The following RFTN1 variants were observed in gnomAD, a reference collection of about 807,000 sequenced individuals.
RFTN1 encodes the protein raftlin, lipid raft linker 1, also known as raftlin.
Under a neutral mutation model 46.5 loss-of-function variants are expected in RFTN1, and 26 were observed. The observed-to-expected ratio is 0.56, with a 90% CI of 0.41 to 0.78. The LOEUF (loss-of-function observed/expected upper bound fraction) is 0.78. Ranked by LOEUF, RFTN1 falls within the 30% of genes least tolerant of loss-of-function variation. The probability of loss-of-function intolerance (pLI) is 0.00; values close to 1 mark genes in which losing one functional copy is unlikely to be tolerated. For synonymous variants in RFTN1, 261 were observed against 284.2 expected (o/e 0.92, Z 0.82); for missense variants, 693 against 718.7 (o/e 0.96, Z 0.41).
At chr3:16,488,455 G>A (rs1323369601) in intron 2 of RFTN1, among the ~76,000 whole-genome samples, 1 of 152,134 alleles carries the variant, frequency 6.6e-6, no homozygotes, top group Non-Finnish European at 1.5e-5. Context: ...CCATCAGGTG[G>A]ACATGGGCCA....
At chr3:16,401,659 T>C (rs9853719) in intron 4 of RFTN1, among the ~76,000 whole-genome samples, 80,738 of 152,096 alleles carry the variant, frequency 0.53, 21,556 homozygotes, top group East Asian at 0.58. Context: ...AGTATATCTC[T>C]GTTATGAATT....
In RFTN1 at chr3:16,381,307, T is replaced by C. The variant is rs1451713356; in HGVS notation, c.442-3205A>G. ...TCAAAATTTACTTAAGGGGCATGGATGTTACTTTTAGAATTGAAAAAGTAA... is the reference window on the plus strand; with the variant it reads ...TCAAAATTTACTTAAGGGGCATGGACGTTACTTTTAGAATTGAAAAAGTAA... On this transcript the variant is annotated intron_variant, in intron 4 of 9. Transcript: ENST00000334133. This position sits in a 1 kb window ranked among gnomAD's most constrained non-coding sequence, Gnocchi z 4.2. Among the ~76,000 whole-genome samples, 1 of 152,232 alleles carries C rather than the reference T, an allele frequency of 6.6e-6. No homozygotes were observed. The highest frequency in any genetic ancestry group is 1.5e-5 in the Non-Finnish European group (1 of 68,034).
rs1042940396 is a variant in RFTN1 at position 16,387,666 on chromosome 3, A to G, written c.442-9564T>C. ...AATTCAAGTTATCTTTTTTTAAAAGAAGAAAAAGAGGAAAGAATCCAACCA... is the reference window on the plus strand; with the variant it reads ...AATTCAAGTTATCTTTTTTTAAAAGGAGAAAAAGAGGAAAGAATCCAACCA... On this transcript the variant is annotated intron_variant, in intron 4 of 9. Coordinates refer to ENST00000334133, the MANE Select transcript of RFTN1 (RefSeq NM_015150.2). The surrounding 1 kb of genome is among the most constrained non-coding windows in gnomAD (Gnocchi z 5.2). 2.7e-5 allele frequency among the ~76,000 whole-genome samples: 4 copies of G among 148,476 alleles called. No individual in the cohort carries two copies. Among genetic ancestry groups the G allele is most frequent in the African/African-American group, 1.0e-4 (4 of 39,806 alleles).
intron 1 of RFTN1, among the ~76,000 whole-genome samples, chr3:16,508,244 C>T (rs1394266643): frequency 6.6e-6 from 1 of 152,174 alleles, no homozygotes; most frequent in Non-Finnish European, 1.5e-5. Flanking sequence ...GTAACTGGGA[C>T]ATCAAAGCTG....
Position 16,433,550 on chromosome 3 carries a change from G to A in RFTN1, c.332+301C>T, listed in dbSNP as rs1309212628. Among the ~76,000 whole-genome samples, 2 of 152,260 alleles carry A rather than the reference G, an allele frequency of 1.3e-5. No individual in the cohort carries two copies. Among genetic ancestry groups the A allele is most frequent in the African/African-American group, 4.8e-5 (2 of 41,540 alleles). On this transcript the variant is annotated intron_variant, in intron 3 of 9. Transcript: ENST00000334133. The surrounding 1 kb of genome is among the most constrained non-coding windows in gnomAD (Gnocchi z 4.4). ...ACTTTTACTAGCCACATCATTCTGG[G>A]CATATGCTTCTTCTGAGGAGACATT...
chr3:16,414,193 C>G (rs931939689), intron 3 of RFTN1, among the ~76,000 whole-genome samples: 21 of 151,886 alleles, frequency 1.4e-4, no homozygotes, highest in African/African-American at 3.4e-4. Context: ...AGTGACAAAA[C>G]CTCTGCCTTT....
At position 16,443,191 on chromosome 3, in the gene RFTN1, G is replaced by A. The variant is rs570837151; in HGVS notation, c.146-9154C>T. 2.2e-4 allele frequency among the ~76,000 whole-genome samples: 33 copies of A among 152,124 alleles called. No homozygotes were observed. Among genetic ancestry groups the A allele is most frequent in the South Asian group, 4.2e-4 (2 of 4,812 alleles). ...TGTACTAGTTTACATTCCCACCAACGGGGTGCAAGGGTTCTCTTATACTTC... is the reference window on the plus strand; with the variant it reads ...TGTACTAGTTTACATTCCCACCAACAGGGTGCAAGGGTTCTCTTATACTTC... On this transcript the variant is annotated intron_variant, in intron 2 of 9. Transcript: ENST00000334133. This position sits in a 1 kb window ranked among gnomAD's most constrained non-coding sequence, Gnocchi z 5.5.
intron 2 of RFTN1, among the ~76,000 whole-genome samples, chr3:16,470,548 G>A (rs778965805): frequency 1.3e-5 from 2 of 152,164 alleles, no homozygotes; most frequent in African/African-American, 4.8e-5. Context: ...GAGAGCCAGA[G>A]AAAAGAGCCC....
intron 2 of RFTN1, among the ~76,000 whole-genome samples, chr3:16,461,355 A>G (rs1262724961): frequency 6.6e-6 from 1 of 152,246 alleles, no homozygotes; most frequent in Non-Finnish European, 1.5e-5. Flanking sequence ...TCTTCCGTGA[A>G]TAATCAGGAA....
intron 6 of RFTN1, among the ~76,000 whole-genome samples, chr3:16,362,756 T>TA (rs1363602956): frequency 6.6e-6 from 1 of 152,202 alleles, no homozygotes; most frequent in Non-Finnish European, 1.5e-5. Flanking sequence ...TTTCAGTACT[T>TA]AAGTGCTTAA....
At chr3:16,508,692 GCACGCACA>G (rs776006578) in intron 1 of RFTN1, among the ~76,000 whole-genome samples, 4,025 of 87,732 alleles carry the variant, frequency 0.046, 69 homozygotes, top group African/African-American at 0.082. Context: ...AAGATCACAC[GCACGCACA>G]CACACACACA....
chr3:16,382,906 T>C lies in RFTN1; in HGVS notation c.442-4804A>G, dbSNP rs2074042216. 6.6e-6 allele frequency among the ~76,000 whole-genome samples: 1 copy of C among 152,112 alleles called. No homozygotes were observed. The highest frequency in any genetic ancestry group is 1.5e-5 in the Non-Finnish European group (1 of 68,014). On this transcript the variant is annotated intron_variant, in intron 4 of 9. Coordinates refer to ENST00000334133, the MANE Select transcript of RFTN1 (RefSeq NM_015150.2). This position sits in a 1 kb window ranked among gnomAD's most constrained non-coding sequence, Gnocchi z 4.7. ...AACCAAATCAACATGGAAGAACAGG[T>C]CATGAGGAGCCAGGTCACCTCAGCC...
Position 16,440,561 on chromosome 3 carries a change from C to A in RFTN1, c.146-6524G>T, listed in dbSNP as rs949544231. 1.3e-5 allele frequency among the ~76,000 whole-genome samples: 2 copies of A among 152,026 alleles called. No individual in the cohort carries two copies. Among genetic ancestry groups the A allele is most frequent in the African/African-American group, 4.8e-5 (2 of 41,368 alleles). On this transcript the variant is annotated intron_variant, in intron 2 of 9. Coordinates refer to ENST00000334133, the MANE Select transcript of RFTN1 (RefSeq NM_015150.2). This position sits in a 1 kb window ranked among gnomAD's most constrained non-coding sequence, Gnocchi z 4.6. The stretch of plus-strand genomic sequence containing the variant: ...ACTGGACAGAGGGCTTGGTGCAGAT[C>A]CCAAAGCCATTAACAGAGGTATCTG...
chr3:16,342,365 G>A lies in RFTN1; in HGVS notation c.1147-15489C>T, dbSNP rs544430325. Among the ~76,000 whole-genome samples, 3 of 152,334 alleles carry A rather than the reference G, an allele frequency of 2.0e-5. No individual in the cohort carries two copies. The highest frequency in any genetic ancestry group is 7.2e-5 in the African/African-American group (3 of 41,580). ...AGGTTCATACATGTAGCATATATCAGTAGTTTATTCCTTTTTATTGCAAAA... is the reference window on the plus strand; with the variant it reads ...AGGTTCATACATGTAGCATATATCAATAGTTTATTCCTTTTTATTGCAAAA... On this transcript the variant is annotated intron_variant, in intron 7 of 9. Coordinates refer to ENST00000334133, the MANE Select transcript of RFTN1 (RefSeq NM_015150.2). The surrounding 1 kb of genome is among the most constrained non-coding windows in gnomAD (Gnocchi z 4.0).
chr3:16,360,264 T>C (rs1033881836), intron 6 of RFTN1, among the ~76,000 whole-genome samples: 1 of 152,016 alleles, frequency 6.6e-6, no homozygotes, highest in Non-Finnish European at 1.5e-5. Context: ...CTCAACCTCC[T>C]GGGCTCAAGT....
chr3:16,378,974 C>T (rs1242005929), intron 4 of RFTN1, among the ~76,000 whole-genome samples: 1 of 152,188 alleles, frequency 6.6e-6, no homozygotes, highest in African/African-American at 2.4e-5. Context: ...AAATAAATAA[C>T]CTAATAAAAT....
chr3:16,478,577 T>C (rs2124963962), intron 2 of RFTN1, among the ~76,000 whole-genome samples: 1 of 152,328 alleles, frequency 6.6e-6, no homozygotes, highest in East Asian at 1.9e-4. Context: ...TTTCTCACAG[T>C]TTCTGTGAGT....
In RFTN1 at chr3:16,489,262, A is replaced by T. The variant is rs1012680748; in HGVS notation, c.145+4463T>A. 6.6e-6 allele frequency among the ~76,000 whole-genome samples: 1 copy of T among 152,090 alleles called. No homozygotes were observed. Among genetic ancestry groups the T allele is most frequent in the Admixed American group, 6.5e-5 (1 of 15,284 alleles). On this transcript the variant is annotated intron_variant, in intron 2 of 9. Coordinates refer to ENST00000334133, the MANE Select transcript of RFTN1 (RefSeq NM_015150.2). This position sits in a 1 kb window ranked among gnomAD's most constrained non-coding sequence, Gnocchi z 4.0. ...GCAAAAGCCTGTGTCTACTAAAAAT[A>T]AAAAAATTAGCTGGGCATGGTGGCG...
rs76448679 is a variant in RFTN1, at chr3:16,444,421, C to T, written c.146-10384G>A. ...CATATCCCTATGGGTTTTTTCCAGG[C>T]GCTCCGGCTTCCTCCCACATCCCAA... is the stretch of plus-strand genomic sequence containing the variant. On this transcript the variant is annotated intron_variant, in intron 2 of 9. Transcript: ENST00000334133. 2.3e-3 allele frequency among the ~76,000 whole-genome samples: 354 copies of T among 152,194 alleles called. 2 individuals are homozygous for T. The highest frequency in any genetic ancestry group is 4.1e-3 in the Non-Finnish European group (281 of 67,998).
Sources: gnomAD v4.1 joint callset for allele counts (sites outside exome capture counted in the v4.1 genomes callset) on GRCh38, gnomAD v4.1.1 for gene constraint, Gnocchi (gnomAD v3.1) non-coding constraint, MANE v1.5 for transcripts, NCBI Gene and HGNC (gene_info 2026-07-23, HGNC 2026-07-21) for gene names.